Variants in ATOSA observed in about 807,000 individuals in gnomAD.
ATOSA encodes the protein atos homolog protein A.
chr15:52,660,592 C>T, the ATOSA span, among the ~76,000 whole-genome samples: 2 of 152,168 alleles, frequency 1.3e-5, no homozygotes, highest in African/African-American at 2.4e-5. Flanking sequence ...TGAAGAAATG[C>T]TAATTTATTA....
the ATOSA span, among the ~76,000 whole-genome samples, chr15:52,626,346 T>C: frequency 9.2e-5 from 14 of 152,290 alleles, 1 homozygote; most frequent in South Asian, 2.7e-3. Context: ...GATATCCAAC[T>C]TGGAAACATT....
the ATOSA span, among the ~76,000 whole-genome samples, chr15:52,704,306 T>C: frequency 6.6e-6 from 1 of 152,162 alleles, no homozygotes; most frequent in Admixed American, 6.5e-5. Flanking sequence ...TAGCCATATG[T>C]AGAAAGCTGA....
At chr15:52,606,291 T>C in the ATOSA span, among the ~76,000 whole-genome samples, 1 of 152,130 alleles carries the variant, frequency 6.6e-6, no homozygotes, top group Non-Finnish European at 1.5e-5. Flanking sequence ...TTTGACGTGA[T>C]ACAAGAAACA....
chr15:52,609,435 C>G, the ATOSA span: 1 of 1,613,704 alleles, frequency 6.2e-7, no homozygotes, highest in Admixed American at 1.7e-5. Flanking sequence ...CAATGTGCTC[C>G]AAGTGTTGAG....
At chr15:52,585,200 A>T in the ATOSA span, 1 of 304,124 alleles carries the variant, frequency 3.3e-6, no homozygotes, top group Non-Finnish European at 6.1e-6. Flanking sequence ...AATTTCATAT[A>T]TATAAATTTT....
chr15:52,706,219 A>G, the ATOSA span, among the ~76,000 whole-genome samples: 1 of 152,240 alleles, frequency 6.6e-6, no homozygotes, highest in African/African-American at 2.4e-5. Flanking sequence ...GAGAACTATA[A>G]CAATACAAAC....
the ATOSA span, among the ~76,000 whole-genome samples, chr15:52,631,089 A>G: frequency 7.9e-5 from 12 of 152,190 alleles, 1 homozygote; most frequent in Admixed American, 7.9e-4. Flanking sequence ...ACTGCATGGG[A>G]GGTCATTTTG....
At chr15:52,611,790 G>T in the ATOSA span, 1 of 1,611,846 alleles carries the variant, frequency 6.2e-7, no homozygotes, top group South Asian at 1.1e-5. Flanking sequence ...TAGAGAAAAT[G>T]AATATAAGCA....
At chr15:52,685,220 G>A in the ATOSA span, among the ~76,000 whole-genome samples, 2 of 152,128 alleles carry the variant, frequency 1.3e-5, no homozygotes, top group Non-Finnish European at 2.9e-5. Context: ...CTGTGCTTAG[G>A]AAACTTGCTG....
the ATOSA span, among the ~76,000 whole-genome samples, chr15:52,668,134 A>G: frequency 6.6e-6 from 1 of 152,260 alleles, no homozygotes; most frequent in Non-Finnish European, 1.5e-5. Context: ...AGTATTATTC[A>G]CAATAGCCAA....
chr15:52,617,468 A>G, the ATOSA span, among the ~76,000 whole-genome samples: 1 of 152,206 alleles, frequency 6.6e-6, no homozygotes, highest in African/African-American at 2.4e-5. Context: ...TGGCAGCCTG[A>G]GCACACTAAA....
the ATOSA span, among the ~76,000 whole-genome samples, chr15:52,645,797 T>C: frequency 6.6e-6 from 1 of 152,220 alleles, no homozygotes; most frequent in Non-Finnish European, 1.5e-5. Flanking sequence ...TATGGTGTTA[T>C]CACTCCACAC....
the ATOSA span, among the ~76,000 whole-genome samples, chr15:52,673,961 A>C: frequency 0.018 from 2,806 of 152,332 alleles, 94 homozygotes; most frequent in African/African-American, 0.065. Flanking sequence ...AAAAACAAAA[A>C]CCACAAAATA....
chr15:52,651,946 C>T, the ATOSA span: 1 of 1,535,096 alleles, frequency 6.5e-7, no homozygotes, highest in Admixed American at 2.0e-5. Context: ...TTCTGGCTAT[C>T]AATAGCTATA....
chr15:52,609,926 C>G, the ATOSA span: 1 of 1,610,754 alleles, frequency 6.2e-7, no homozygotes, highest in Non-Finnish European at 8.5e-7. Context: ...ACTGATGTTT[C>G]TTGTGATTTT....
At chr15:52,677,327 C>G in the ATOSA span, among the ~76,000 whole-genome samples, 4 of 152,128 alleles carry the variant, frequency 2.6e-5, no homozygotes, top group African/African-American at 9.7e-5. Flanking sequence ...ACTATATTAA[C>G]ATCTTCTAAA....
At chr15:52,623,751 A>G in the ATOSA span, among the ~76,000 whole-genome samples, 1 of 152,254 alleles carries the variant, frequency 6.6e-6, no homozygotes, top group Admixed American at 6.5e-5. Flanking sequence ...AAGATAAGAC[A>G]AATGTGACAT....
the ATOSA span, chr15:52,613,934 CTAA>C: frequency 1.8e-6 from 2 of 1,104,210 alleles, no homozygotes; most frequent in Non-Finnish European, 2.7e-6. Context: ...CCTAAAATAA[CTAA>C]TGTCACATTA....
chr15:52,623,439 G>C, the ATOSA span, among the ~76,000 whole-genome samples: 2 of 152,132 alleles, frequency 1.3e-5, no homozygotes, highest in South Asian at 4.2e-4. Flanking sequence ...CACGCATTTG[G>C]ATAGTATTTA....
Sources: allele counts gnomAD v4.1 joint callset (sites outside exome capture counted in the v4.1 genomes callset), GRCh38; gene constraint gnomAD v4.1.1; transcripts MANE v1.5; gene names NCBI Gene and HGNC (gene_info 2026-07-23, HGNC 2026-07-21).